Variants in GTF2A2 observed in about 807,000 individuals in gnomAD.
The protein encoded by GTF2A2 is general transcription factor IIA subunit 2.
GTF2A2 carries 9 observed loss-of-function variants against 14.3 expected under a neutral mutation model. The observed-to-expected ratio is 0.63, with a 90% CI of 0.38 to 1.10. The LOEUF is 1.10. Among genes scored for constraint, GTF2A2 ranks in the 50% least tolerant of loss-of-function variants. GTF2A2 has a pLI of 0.01. For missense variants in GTF2A2, 90 were observed against 124.6 expected (o/e 0.72, Z 1.32); for synonymous variants, 56 against 46.0 (o/e 1.22, Z -0.88).
chr15:59,648,120 T>G (rs1891666001), intron 3 of GTF2A2, among the ~76,000 whole-genome samples: 1 of 152,110 alleles, frequency 6.6e-6, no homozygotes, highest in African/African-American at 2.4e-5. Flanking sequence ...TTTAAAAGCC[T>G]AGTTATGGCC....
intron 4 of GTF2A2, among the ~76,000 whole-genome samples, chr15:59,641,152 A>C (rs4274384): frequency 6.6e-6 from 1 of 151,550 alleles, no homozygotes; most frequent in Admixed American, 6.6e-5. Context: ...CCAGGAGTTT[A>C]AGACCAGCCT....
At chr15:59,640,577 C>T (rs72751154) in intron 4 of GTF2A2, among the ~76,000 whole-genome samples, 187 of 152,188 alleles carry the variant, frequency 1.2e-3, no homozygotes, top group Non-Finnish European at 2.3e-3. Context: ...GTACAACAGC[C>T]ATGAGTGGCT....
At chr15:59,652,421 A>C (rs1262653544) in intron 1 of GTF2A2, 95 bp from the exon 2 acceptor site, 1 of 575,590 alleles carries the variant, frequency 1.7e-6, no homozygotes, top group Non-Finnish European at 3.0e-6. Flanking sequence ...CTAATATAGA[A>C]CTAGGAGAAC....
At chr15:59,641,954 AAAGT>A (rs1169290163) in intron 4 of GTF2A2, among the ~76,000 whole-genome samples, 178 bp downstream of exon 4, 2 of 152,236 alleles carry the variant, frequency 1.3e-5, no homozygotes, top group African/African-American at 4.8e-5. Flanking sequence ...ATTAAGTCAC[AAAGT>A]AAGAGCACTG....
intron 3 of GTF2A2, among the ~76,000 whole-genome samples, chr15:59,644,795 G>A (rs574615085): frequency 2.4e-4 from 36 of 152,328 alleles, no homozygotes; most frequent in Middle Eastern, 3.4e-3. Flanking sequence ...AAAACAGAAC[G>A]TGTCAGGAGG....
Position 59,652,242 on chromosome 15 carries a change from T to C in GTF2A2, c.36A>G (p.Gly12=). 1 of 1,604,398 alleles carries C rather than the reference T, an allele frequency of 6.2e-7. No homozygotes were observed. The highest frequency in any genetic ancestry group is 2.2e-5 in the East Asian group (1 of 44,744). The change falls in exon 2 of 5, where the codon GGA becomes GGG. Residue 12 remains glycine (G), a synonymous_variant. Transcript: ENST00000396060. ...AYQLYRNTTL[G]NSLQESLDEL... ...CATCTAGGCTCTCCTGAAGACTGTT[T>C]CCCAAAGTAGTATTTCTGTATAACT...
intron 3 of GTF2A2, among the ~76,000 whole-genome samples, chr15:59,648,401 C>CAAAAAAAAAAAAAAAAA (rs71425875): frequency 1.1e-5 from 1 of 90,570 alleles, no homozygotes; most frequent in Non-Finnish European, 2.0e-5. Context: ...GACTTCGTCT[C>CAAAAAAAAAAAAAAAAA]AAAAAAAAAA....
At chr15:59,642,756 A>G (rs1034594136) in intron 3 of GTF2A2, among the ~76,000 whole-genome samples, 1 of 152,096 alleles carries the variant, frequency 6.6e-6, no homozygotes, top group Non-Finnish European at 1.5e-5. Flanking sequence ...GCAACTTATA[A>G]TTTTTTATAC....
At chr15:59,640,695 C>T (rs1338993402) in intron 4 of GTF2A2, among the ~76,000 whole-genome samples, 1 of 152,000 alleles carries the variant, frequency 6.6e-6, no homozygotes, top group African/African-American at 2.4e-5. Context: ...AAATTAATCC[C>T]TGAATTCTAC....
At chr15:59,649,292 A>G (rs1891718501) in intron 3 of GTF2A2, among the ~76,000 whole-genome samples, 2 of 152,242 alleles carry the variant, frequency 1.3e-5, no homozygotes, top group Admixed American at 1.3e-4. Context: ...ATCAAGGCTG[A>G]GAGCAATTAT....
At chr15:59,652,871 A>C (rs1891835564) in intron 1 of GTF2A2, 1 of 152,232 alleles carries the variant, frequency 6.6e-6, no homozygotes, top group Non-Finnish European at 1.5e-5. Flanking sequence ...TAAAGATACA[A>C]AGCATACCAT....
chr15:59,654,137 T>C (rs181734441), intron 1 of GTF2A2, among the ~76,000 whole-genome samples: 16 of 152,254 alleles, frequency 1.1e-4, no homozygotes, highest in African/African-American at 3.6e-4. Flanking sequence ...ATCACATCAC[T>C]GGTCTATTCA....
intron 1 of GTF2A2, among the ~76,000 whole-genome samples, chr15:59,653,290 G>T (rs1891848502): frequency 1.3e-5 from 2 of 152,156 alleles, no homozygotes; most frequent in Non-Finnish European, 1.5e-5. Flanking sequence ...CACGTCAGGT[G>T]TAAGATCTTG....
intron 1 of GTF2A2, among the ~76,000 whole-genome samples, chr15:59,652,598 T>C (rs2141966868): frequency 6.6e-6 from 1 of 152,340 alleles, no homozygotes; most frequent in South Asian, 2.1e-4. Context: ...TTCAAATGTC[T>C]GCCTTCTGAC....
At chr15:59,644,398 T>C (rs1474891957) in intron 3 of GTF2A2, 3 of 152,222 alleles carry the variant, frequency 2.0e-5, no homozygotes, top group Non-Finnish European at 4.4e-5. Flanking sequence ...ATGGGATTCA[T>C]TCTAAATAGT....
At chr15:59,648,783 A>C (rs1487946273) in intron 3 of GTF2A2, among the ~76,000 whole-genome samples, 3 of 152,118 alleles carry the variant, frequency 2.0e-5, no homozygotes, top group African/African-American at 7.2e-5. Flanking sequence ...AAATACAAAA[A>C]ATTAGCCAGG....
chr15:59,656,506 C>T (rs1891947108), intron 1 of GTF2A2, among the ~76,000 whole-genome samples: 1 of 151,646 alleles, frequency 6.6e-6, no homozygotes, highest in African/African-American at 2.4e-5. Flanking sequence ...AGAATGTAAG[C>T]TCCATGAGGG....
intron 3 of GTF2A2, among the ~76,000 whole-genome samples, chr15:59,646,167 C>T (rs1177082994): frequency 6.6e-6 from 1 of 152,100 alleles, no homozygotes; most frequent in African/African-American, 2.4e-5. Flanking sequence ...AGTGATTCTC[C>T]TGCCTTGGCT....
chr15:59,653,141 G>C (rs6494131), intron 1 of GTF2A2, among the ~76,000 whole-genome samples: 99,221 of 151,936 alleles, frequency 0.65, 32,736 homozygotes, highest in African/African-American at 0.73. Context: ...TGCAAGCAGT[G>C]GGGAGTCACT....
Sources: gnomAD v4.1 joint callset for allele counts (sites outside exome capture counted in the v4.1 genomes callset) on GRCh38, gnomAD v4.1.1 for gene constraint, MANE v1.5 for transcripts, NCBI Gene and HGNC (gene_info 2026-07-23, HGNC 2026-07-21) for gene names.